The following SLC9B2 variants were observed in gnomAD, a reference collection of about 807,000 sequenced individuals.
SLC9B2 encodes the protein solute carrier family 9 member B2, also known as sodium/hydrogen exchanger 9B2.
SLC9B2 carries 39 observed loss-of-function variants against 52.2 expected under a neutral mutation model. The ratio of observed to expected loss-of-function variants is 0.75; its 90% CI spans 0.58 to 0.98. SLC9B2 has a LOEUF of 0.98. Ranked by LOEUF, SLC9B2 falls within the 50% of genes least tolerant of loss-of-function variation. SLC9B2 has a pLI of 0.00. For synonymous variants in SLC9B2, 214 were observed against 227.0 expected (o/e 0.94, Z 0.51); for missense variants, 626 against 637.5 (o/e 0.98, Z 0.19).
chr4:103,045,839 T>C (rs551544142), intron 7 of SLC9B2, among the ~76,000 whole-genome samples: 16 of 152,178 alleles, frequency 1.1e-4, no homozygotes, highest in Middle Eastern at 3.4e-3. Context: ...TACATAAGAG[T>C]ATTTTTAAAA....
chr4:103,066,716 C>T (rs1330573545), intron 2 of SLC9B2, among the ~76,000 whole-genome samples: 2 of 151,984 alleles, frequency 1.3e-5, no homozygotes, highest in South Asian at 2.1e-4. Context: ...ATTTTTAGTA[C>T]AGGTTGAGTA....
downstream of SLC9B2, chr4:103,019,783 C>G: frequency 1.0e-6 from 1 of 985,594 alleles, no homozygotes; most frequent in Non-Finnish European, 1.2e-6. Flanking sequence ...GCTGTCCGCG[C>G]CGGCAGAGGC....
At position 103,041,229 on chromosome 4, in the gene SLC9B2, T is replaced by TA. The variant is rs1483746111; in HGVS notation, c.1146+2066dup. Reference sequence around the variant, plus strand: ...TTATAACTATATATAAAGGAATGGGTAAAAAAACCAAAAACCCAACTATGG... The same window carrying TA: ...TTATAACTATATATAAAGGAATGGGTAAAAAAAACCAAAAACCCAACTATGG... On this transcript the variant is annotated intron_variant, in intron 9 of 11. Transcript: ENST00000394785. 3.9e-5 allele frequency among the ~76,000 whole-genome samples: 6 copies of TA among 152,176 alleles called. No individual in the cohort carries two copies. In the East Asian group the frequency reaches 5.8e-4, roughly 15 times the overall value.
intron 10 of SLC9B2, among the ~76,000 whole-genome samples, chr4:103,029,647 T>G (rs1742523373): frequency 6.6e-6 from 1 of 152,162 alleles, no homozygotes; most frequent in Non-Finnish European, 1.5e-5. Context: ...CATCATCATT[T>G]GCCAAACAAG....
intron 10 of SLC9B2, among the ~76,000 whole-genome samples, chr4:103,030,062 A>T (rs1040661147): frequency 4.6e-5 from 7 of 152,138 alleles, no homozygotes; most frequent in Admixed American, 3.3e-4. Flanking sequence ...TAAAGAGTTG[A>T]TATCATTCCC....
chr4:103,058,096 T>G (rs1578471595), intron 3 of SLC9B2, 125 bp from the exon 4 acceptor site: 3 of 918,876 alleles, frequency 3.3e-6, no homozygotes, highest in Non-Finnish European at 1.6e-6. Flanking sequence ...TCATGTTTAA[T>G]CTGTAAAGAG....
intron 1 of SLC9B2, among the ~76,000 whole-genome samples, chr4:103,072,597 T>G (rs1465945602): frequency 6.6e-6 from 1 of 152,224 alleles, no homozygotes; most frequent in Admixed American, 6.5e-5. Context: ...AAGTACTTTC[T>G]GTAATATTCC....
Position 103,048,610 on chromosome 4 carries a change from C to T in SLC9B2, c.713+283G>A, listed in dbSNP as rs528725943. 5.8e-4 allele frequency: 155 copies of T among 268,258 alleles called. 1 individual carries two copies. The highest frequency in any genetic ancestry group is 3.0e-3 in the African/African-American group (137 of 45,298). The allele number at this position is 268,258 out of a possible 1,614,324, so 16.6% of individuals were successfully genotyped here. A position where few individuals can be genotyped will look rare whatever the true frequency, so the allele number is the denominator to read the frequency against. ...CTGTGTTTATTATCCTTTGTGCAGACGTTAGGTGGAATCCGGTATCTCTTT... is the reference window on the plus strand; with the variant it reads ...CTGTGTTTATTATCCTTTGTGCAGATGTTAGGTGGAATCCGGTATCTCTTT... On this transcript the variant is annotated intron_variant, in intron 6 of 11. Transcript: ENST00000394785.
chr4:103,051,248 TG>T (rs1408352756), intron 4 of SLC9B2, among the ~76,000 whole-genome samples: 1 of 152,232 alleles, frequency 6.6e-6, no homozygotes, highest in African/African-American at 2.4e-5. Flanking sequence ...GAGGGAATTC[TG>T]CCTTCATTGA....
chr4:103,037,936 T>C (rs1743316719), intron 9 of SLC9B2, among the ~76,000 whole-genome samples: 1 of 151,698 alleles, frequency 6.6e-6, no homozygotes, highest in African/African-American at 2.4e-5. Flanking sequence ...TCTTGGCTCA[T>C]GGCAACCTTC....
At chr4:103,057,759 T>G in intron 4 of SLC9B2, 42 bp downstream of exon 4, 1 of 1,541,902 alleles carries the variant, frequency 6.5e-7, no homozygotes, top group South Asian at 1.2e-5. Flanking sequence ...ATCTTAAAAA[T>G]ATAGTTTACT....
chr4:103,043,242 A>G (rs550883458), intron 9 of SLC9B2, 54 bp downstream of exon 9: 18 of 1,523,716 alleles, frequency 1.2e-5, no homozygotes, highest in Middle Eastern at 1.8e-4. Flanking sequence ...TGGAAAGCCA[A>G]CTTAATCTCA....
intron 3 of SLC9B2, among the ~76,000 whole-genome samples, chr4:103,060,826 C>A (rs1745576037): frequency 6.6e-6 from 1 of 152,110 alleles, no homozygotes; most frequent in African/African-American, 2.4e-5. Flanking sequence ...GATACATTTT[C>A]AAATTGAATT....
At chr4:103,045,706 C>A (rs1744063317) in intron 7 of SLC9B2, among the ~76,000 whole-genome samples, 1 of 152,116 alleles carries the variant, frequency 6.6e-6, no homozygotes, top group Non-Finnish European at 1.5e-5. Flanking sequence ...CTGCCTCTTT[C>A]CTTTCTCCTC....
chr4:103,061,717 T>C (rs1248762609), intron 3 of SLC9B2, among the ~76,000 whole-genome samples: 1 of 152,224 alleles, frequency 6.6e-6, no homozygotes, highest in East Asian at 1.9e-4. Context: ...TGGGGCCACC[T>C]TGAGTGCTTA....
intron 6 of SLC9B2, 151 bp downstream of exon 6, chr4:103,048,742 T>C: frequency 1.0e-6 from 1 of 973,108 alleles, no homozygotes; most frequent in South Asian, 1.8e-5. Context: ...AAACTATGTT[T>C]TGAAGTTAGA....
At chr4:103,045,451 G>A (rs1297564363) in intron 7 of SLC9B2, among the ~76,000 whole-genome samples, 1 of 151,906 alleles carries the variant, frequency 6.6e-6, no homozygotes. Flanking sequence ...TTAAGCTATT[G>A]TGGTAATAAT....
At chr4:103,070,400 T>C (rs1746510660) in intron 1 of SLC9B2, among the ~76,000 whole-genome samples, 1 of 152,226 alleles carries the variant, frequency 6.6e-6, no homozygotes, top group Non-Finnish European at 1.5e-5. Flanking sequence ...GAGAGGCTCT[T>C]AAGGACTCAT....
At chr4:103,075,186 G>A (rs1206951732) in intron 1 of SLC9B2, among the ~76,000 whole-genome samples, 2 of 151,956 alleles carry the variant, frequency 1.3e-5, no homozygotes, top group Admixed American at 6.6e-5. Flanking sequence ...GTCTTGCTCT[G>A]TCACCTAGGC....
Sources: allele counts gnomAD v4.1 joint callset (sites outside exome capture counted in the v4.1 genomes callset), GRCh38; gene constraint gnomAD v4.1.1; transcripts MANE v1.5; gene names NCBI Gene and HGNC (gene_info 2026-07-23, HGNC 2026-07-21).